GNG7: variants seen among roughly 807,000 people sequenced by gnomAD.
GNG7 encodes G protein subunit gamma 7.
A neutral mutation model predicts 4.0 loss-of-function variants in GNG7; 1 was observed. The observed-to-expected ratio is 0.25, with a 90% CI of 0.09 to 1.18. The LOEUF is 1.18. Ranked by LOEUF, GNG7 falls within the 50% of genes most tolerant of loss-of-function variation. GNG7 has a pLI of 0.50. For missense variants in GNG7, 86 were observed against 91.9 expected (o/e 0.94, Z 0.26); for synonymous variants, 34 against 36.9 (o/e 0.92, Z 0.29).
intron 1 of GNG7, among the ~76,000 whole-genome samples, chr19:2,670,355 G>A (rs538497212): frequency 2.6e-5 from 4 of 152,292 alleles, no homozygotes; most frequent in South Asian, 2.1e-4. Flanking sequence ...TGAGGCCCCC[G>A]CGGGAGCCGT....
At chr19:2,582,737 T>C (rs1316705446) in intron 2 of GNG7, among the ~76,000 whole-genome samples, 2 of 149,390 alleles carry the variant, frequency 1.3e-5, no homozygotes. Flanking sequence ...AACTTGATCT[T>C]GGCTCACTGC....
Position 2,515,120 on chromosome 19 carries a change from T to C in GNG7, c.109A>G (p.Ser37Gly). The part of the protein sequence containing the change: ...KVSKAASDLM[S>G]YCEQHARNDP... ...TTCCGGGCATGTTGCTCACAGTAGC[T>C]CATGAGGTCAGACGCCGCTTTGGAG... Residue 37 changes from serine to glycine, a missense_variant, in exon 5 of 5, where the codon AGC (serine) becomes GGC (glycine). By Grantham distance (56) the Ser-to-Gly change is moderately conservative. Transcript: ENST00000382159. 1 of 1,613,830 alleles carries C rather than the reference T, an allele frequency of 6.2e-7. No homozygotes were observed. Among genetic ancestry groups the C allele is most frequent in the Middle Eastern group, 1.7e-4 (1 of 6,044 alleles).
intron 1 of GNG7, among the ~76,000 whole-genome samples, chr19:2,679,523 G>T (rs565873101): frequency 1.0e-3 from 154 of 152,230 alleles, no homozygotes; most frequent in African/African-American, 3.4e-3. Flanking sequence ...AAACAGAAAG[G>T]TTCCATGTTT....
At chr19:2,568,447 T>C (rs554967954) in intron 2 of GNG7, among the ~76,000 whole-genome samples, 46 of 82,156 alleles carry the variant, frequency 5.6e-4, no homozygotes, top group African/African-American at 1.2e-3. Context: ...CATACACACA[T>C]ACATATACAT....
At chr19:2,692,503 C>T (rs1245033021) in intron 1 of GNG7, among the ~76,000 whole-genome samples, 3 of 151,764 alleles carry the variant, frequency 2.0e-5, no homozygotes, top group Admixed American at 1.3e-4. Flanking sequence ...GGTGTGGTGG[C>T]GGGCGTCTGT....
chr19:2,681,794 G>T (rs1437520527), intron 1 of GNG7, among the ~76,000 whole-genome samples: 2 of 152,022 alleles, frequency 1.3e-5, no homozygotes, highest in Non-Finnish European at 2.9e-5. Flanking sequence ...TGTTGTTTTG[G>T]TTTTTTTAAT....
At chr19:2,616,246 T>A (rs1981720218) in intron 2 of GNG7, among the ~76,000 whole-genome samples, 1 of 151,968 alleles carries the variant, frequency 6.6e-6, no homozygotes, top group Non-Finnish European at 1.5e-5. Flanking sequence ...CCATCTCTAA[T>A]TTATTATTAT....
intron 2 of GNG7, among the ~76,000 whole-genome samples, chr19:2,573,270 G>A (rs1425445283): frequency 2.0e-5 from 3 of 151,434 alleles, no homozygotes; most frequent in East Asian, 2.0e-4. Flanking sequence ...TGATCCGCCC[G>A]CCTCAGCCTC....
chr19:2,575,856 G>T (rs1599400887), intron 2 of GNG7, among the ~76,000 whole-genome samples: 1 of 129,676 alleles, frequency 7.7e-6, no homozygotes, highest in Non-Finnish European at 1.6e-5. Context: ...CAGACACGCA[G>T]GCACACGCAG....
chr19:2,665,266 G>A (rs370678709), intron 1 of GNG7, among the ~76,000 whole-genome samples: 4 of 151,956 alleles, frequency 2.6e-5, no homozygotes, highest in African/African-American at 9.7e-5. Flanking sequence ...ACTGCAGCAC[G>A]CTGAGCGGCA....
Position 2,603,475 on chromosome 19 carries a change from G to A in GNG7, c.-78+42749C>T, listed in dbSNP as rs955906466. Among the ~76,000 whole-genome samples the A allele has an allele frequency of 2.0e-5, 3 of 152,348 alleles. No homozygotes were observed. In the East Asian group the frequency reaches 5.8e-4, roughly 29 times the overall value. On this transcript the variant is annotated intron_variant, in intron 2 of 4. Coordinates refer to ENST00000382159, the MANE Select transcript of GNG7 (RefSeq NM_052847.3). ...GGTGGGACCGGCATCCGGTGAGACCGCGGTGGCTCTCTGGGGCTGAAAATT... is the reference window on the plus strand; with the variant it reads ...GGTGGGACCGGCATCCGGTGAGACCACGGTGGCTCTCTGGGGCTGAAAATT...
intron 3 of GNG7, among the ~76,000 whole-genome samples, chr19:2,541,283 G>T (rs550632681): frequency 6.6e-6 from 1 of 152,086 alleles, no homozygotes; most frequent in Non-Finnish European, 1.5e-5. Context: ...CCAGCCTGGG[G>T]CAACACAGTG....
chr19:2,651,332 T>G, intron 1 of GNG7, among the ~76,000 whole-genome samples: 1 of 19,036 alleles, frequency 5.3e-5, no homozygotes, highest in Non-Finnish European at 8.8e-5. Flanking sequence ...CCTCCCTCCC[T>G]ACCTTCCCTC....
chr19:2,693,440 A>G (rs1034038318), intron 1 of GNG7, among the ~76,000 whole-genome samples: 6 of 151,734 alleles, frequency 4.0e-5, no homozygotes, highest in Admixed American at 3.3e-4. Context: ...AGAAAGAAAG[A>G]AAAAAAGAAA....
rs1014714619 is a variant in GNG7, at chr19:2,620,956, G to A, written c.-78+25268C>T. Among the ~76,000 whole-genome samples the A allele has an allele frequency of 5.3e-5, 8 of 152,122 alleles. No homozygotes were observed. In the East Asian group the frequency reaches 9.6e-4, roughly 18 times the overall value. On this transcript the variant is annotated intron_variant, in intron 2 of 4. Transcript: ENST00000382159. ...CATTTATAAAAGGGGTGACGTGGCC[G>A]CCTTCCTGCAGGCGCTCTGAAGGTG... is the stretch of plus-strand genomic sequence containing the variant.
chr19:2,537,096 G>A (rs1362007014), intron 3 of GNG7, among the ~76,000 whole-genome samples: 5 of 151,632 alleles, frequency 3.3e-5, no homozygotes, highest in Admixed American at 1.3e-4. Context: ...ACAGGTGCCC[G>A]CCACCGCGCC....
intron 3 of GNG7, among the ~76,000 whole-genome samples, chr19:2,553,318 G>C (rs1001539806): frequency 6.7e-6 from 1 of 149,084 alleles, no homozygotes; most frequent in Non-Finnish European, 1.5e-5. Context: ...GAATGAAACA[G>C]ATCAGCGATG....
chr19:2,628,273 C>T (rs976577707), intron 2 of GNG7, among the ~76,000 whole-genome samples: 1 of 152,162 alleles, frequency 6.6e-6, no homozygotes, highest in Non-Finnish European at 1.5e-5. Flanking sequence ...GAGTTGTCAT[C>T]TGGAATTTGG....
At position 2,538,009 on chromosome 19, in the gene GNG7, G is replaced by A. The variant is rs573635334; in HGVS notation, c.-38+17140C>T. Reference sequence around the variant, plus strand: ...GGAGAATTGCTTGAACCTGGAAGGCGGAGGCTGTAGTGAGCTATGATTGCG... The same window carrying A: ...GGAGAATTGCTTGAACCTGGAAGGCAGAGGCTGTAGTGAGCTATGATTGCG... On this transcript the variant is annotated intron_variant, in intron 3 of 4. Coordinates refer to ENST00000382159, the MANE Select transcript of GNG7 (RefSeq NM_052847.3). 1,321 of 387,970 alleles carry A rather than the reference G, an allele frequency of 3.4e-3. 5 individuals are homozygous for A. The highest frequency in any genetic ancestry group is 5.1e-3 in the Non-Finnish European group (991 of 192,896). 24.0% of individuals were successfully genotyped at this position (387,970 alleles called of 1,614,324 possible). A position where few individuals can be genotyped will look rare whatever the true frequency, so the allele number is the denominator to read the frequency against.
Sources: allele counts gnomAD v4.1 joint callset (sites outside exome capture counted in the v4.1 genomes callset), GRCh38; gene constraint gnomAD v4.1.1; transcripts MANE v1.5; gene names NCBI Gene and HGNC (gene_info 2026-07-23, HGNC 2026-07-21).